DLEU7: variants seen among roughly 807,000 people sequenced by gnomAD.
DLEU7 encodes the protein deleted in lymphocytic leukemia 7.
DLEU7 carries 17 observed loss-of-function variants against 16.0 expected under a neutral mutation model. The ratio of observed to expected loss-of-function variants is 1.06; its 90% CI spans 0.73 to 1.59. DLEU7 has a LOEUF of 1.59. Among genes scored for constraint, DLEU7 ranks in the 40% most tolerant of loss-of-function variants. The pLI, the probability that DLEU7 is intolerant of heterozygous loss-of-function variation, is 0.00. For missense variants in DLEU7, 308 were observed against 314.9 expected (o/e 0.98, Z 0.17); for synonymous variants, 113 against 139.8 (o/e 0.81, Z 1.35).
At chr13:50,748,405 T>A (rs1363562624) in intron 1 of DLEU7, among the ~76,000 whole-genome samples, 1 of 152,090 alleles carries the variant, frequency 6.6e-6, no homozygotes, top group East Asian at 1.9e-4. Context: ...ATATAAATAC[T>A]CTATTCCTTG....
chr13:50,741,579 T>C (rs1874250241), intron 1 of DLEU7, among the ~76,000 whole-genome samples: 1 of 152,176 alleles, frequency 6.6e-6, no homozygotes, highest in African/African-American at 2.4e-5. Flanking sequence ...ACTTTTCCTG[T>C]TTTATTGCTG....
chr13:50,783,086 A>C lies in DLEU7; in HGVS notation c.459+60102T>G, dbSNP rs1297836624. Among the ~76,000 whole-genome samples the C allele has an allele frequency of 2.6e-5, 4 of 152,360 alleles. 1 individual carries two copies. Among genetic ancestry groups the C allele is most frequent in the African/African-American group, 9.6e-5 (4 of 41,596 alleles). ...CAACCTCAACCAATAGGGGTTGGGA[A>C]TCACTTGCTGAATTCCTCAGTCTCC... On this transcript the variant is annotated intron_variant, in intron 1 of 1. Coordinates refer to the DLEU7 transcript ENST00000400393.
rs761479162 is a variant in DLEU7, at chr13:50,843,408, G to C, written c.239C>G (p.Ala80Gly). 4.6e-6 allele frequency: 6 copies of C among 1,316,012 alleles called. No homozygotes were observed. The highest frequency in any genetic ancestry group is 5.8e-6 in the Non-Finnish European group (6 of 1,036,606). The allele number at this position is 1,316,012 out of a possible 1,614,324, so 81.5% of individuals were successfully genotyped here. The change falls in exon 1 of 2, where the codon GCG (alanine) becomes GGG (glycine). Residue 80 changes from alanine to glycine, a missense_variant. Physicochemically the swap from Ala to Gly is moderately conservative, Grantham distance 60. Transcript: ENST00000504404. The surrounding 1 kb of genome is among the most constrained non-coding windows in gnomAD (Gnocchi z 5.7). The part of the protein sequence containing the change: ...GGVGTRSRRT[A>G]ARANSPEEEV... ...CTCCTCTGGGGAGTTCGCCCGCGCC[G>C]CGGTCCGCCGACTCCTGGTCCCCAC... is the stretch of plus-strand genomic sequence containing the variant.
chr13:50,717,369 A>C (rs545062560), intron 1 of DLEU7, among the ~76,000 whole-genome samples: 1 of 152,310 alleles, frequency 6.6e-6, no homozygotes, highest in South Asian at 2.1e-4. Flanking sequence ...GGAAAAGGTA[A>C]ATGGAGCCAG....
At chr13:50,803,704 G>A (rs1042601628) in intron 1 of DLEU7, among the ~76,000 whole-genome samples, 1 of 151,916 alleles carries the variant, frequency 6.6e-6, no homozygotes, top group Non-Finnish European at 1.5e-5. Context: ...AAGAAAAAAG[G>A]TGATGCATTT....
At chr13:50,838,540 T>C (rs1352207444) in intron 1 of DLEU7, among the ~76,000 whole-genome samples, 1 of 152,202 alleles carries the variant, frequency 6.6e-6, no homozygotes, top group African/African-American at 2.4e-5. Context: ...ACTTCTATGC[T>C]CCCTTTGGGT....
intron 1 of DLEU7, among the ~76,000 whole-genome samples, chr13:50,759,784 G>C (rs910506307): frequency 6.6e-6 from 1 of 152,128 alleles, no homozygotes; most frequent in African/African-American, 2.4e-5. Context: ...TAAGAACTCA[G>C]GGGGCTTCTG....
At chr13:50,785,397 A>G (rs879696273) in intron 1 of DLEU7, among the ~76,000 whole-genome samples, 3 of 152,228 alleles carry the variant, frequency 2.0e-5, no homozygotes, top group Non-Finnish European at 4.4e-5. Flanking sequence ...TGGGGAGTAC[A>G]GAACAGTTTT....
chr13:50,828,312 A>T (rs1166433138), intron 1 of DLEU7, among the ~76,000 whole-genome samples: 1 of 152,242 alleles, frequency 6.6e-6, no homozygotes, highest in East Asian at 1.9e-4. Flanking sequence ...AATATCAGAA[A>T]GACTCTATCA....
chr13:50,798,862 G>A (rs1876172063), intron 1 of DLEU7, among the ~76,000 whole-genome samples: 1 of 152,134 alleles, frequency 6.6e-6, no homozygotes, highest in Non-Finnish European at 1.5e-5. Flanking sequence ...TAGCTCTTGG[G>A]ACCCACTCAC....
intron 1 of DLEU7, chr13:50,808,779 G>C (rs1319431269): frequency 6.6e-6 from 1 of 151,944 alleles, no homozygotes; most frequent in African/African-American, 2.4e-5. Context: ...CTAGCAATTG[G>C]GTATAGTAGA....
chr13:50,733,067 C>G (rs527683714), intron 1 of DLEU7, among the ~76,000 whole-genome samples: 2 of 152,266 alleles, frequency 1.3e-5, no homozygotes, highest in East Asian at 3.9e-4. Context: ...ACTACCTTTT[C>G]TTTTTGTCAG....
intron 1 of DLEU7, among the ~76,000 whole-genome samples, chr13:50,769,335 T>C (rs1875224949): frequency 6.6e-6 from 1 of 152,226 alleles, no homozygotes. Flanking sequence ...CCATTGCTTT[T>C]GGTGTTTTAG....
chr13:50,825,783 T>C (rs1877063138), intron 1 of DLEU7, among the ~76,000 whole-genome samples: 1 of 152,230 alleles, frequency 6.6e-6, no homozygotes, highest in South Asian at 2.1e-4. Context: ...AGTTTTACAA[T>C]GATATTTAAG....
chr13:50,835,741 A>G (rs1443768243), intron 1 of DLEU7, among the ~76,000 whole-genome samples: 1 of 152,216 alleles, frequency 6.6e-6, no homozygotes, highest in African/African-American at 2.4e-5. Context: ...CACACTGTGT[A>G]CTTTTCTGCA....
chr13:50,782,670 T>C (rs1335204574), intron 1 of DLEU7, among the ~76,000 whole-genome samples: 1 of 151,928 alleles, frequency 6.6e-6, no homozygotes, highest in Non-Finnish European at 1.5e-5. Context: ...CTTCTTGAAG[T>C]CAGAAGATTT....
chr13:50,781,923 A>G (rs1159665972), intron 1 of DLEU7, among the ~76,000 whole-genome samples: 1 of 152,200 alleles, frequency 6.6e-6, no homozygotes, highest in East Asian at 1.9e-4. Context: ...AGCCCACTAC[A>G]CTTTTAGGCT....
At chr13:50,722,404 T>C (rs1873647975) in intron 1 of DLEU7, among the ~76,000 whole-genome samples, 1 of 152,252 alleles carries the variant, frequency 6.6e-6, no homozygotes, top group Non-Finnish European at 1.5e-5. Context: ...ATTTTGACTT[T>C]GTTAACAAAT....
At chr13:50,729,464 G>A (rs1004198178) in intron 1 of DLEU7, among the ~76,000 whole-genome samples, 1 of 152,048 alleles carries the variant, frequency 6.6e-6, no homozygotes, top group African/African-American at 2.4e-5. Flanking sequence ...CCATGTCTTT[G>A]CTATTGTGAA....
Sources: gnomAD v4.1 joint callset for allele counts (sites outside exome capture counted in the v4.1 genomes callset) on GRCh38, gnomAD v4.1.1 for gene constraint, Gnocchi (gnomAD v3.1) non-coding constraint, MANE v1.5 for transcripts, NCBI Gene and HGNC (gene_info 2026-07-23, HGNC 2026-07-21) for gene names.